FRMD4B: variants seen among roughly 807,000 people sequenced by gnomAD.
FRMD4B encodes FERM domain containing 4B, also known as FERM domain-containing protein 4B.
A neutral mutation model predicts 141.5 loss-of-function variants in FRMD4B; 74 were observed. The ratio of observed to expected loss-of-function variants is 0.52; its 90% CI spans 0.43 to 0.63. FRMD4B has a LOEUF of 0.63. Ranked by LOEUF, FRMD4B falls within the 30% of genes least tolerant of loss-of-function variation. FRMD4B has a pLI of 0.00. For synonymous variants in FRMD4B, 506 were observed against 467.9 expected, an observed-to-expected ratio of 1.08 and a Z score of -1.05; for missense variants, 1,366 against 1,253.4, an observed-to-expected ratio of 1.09 and a Z score of -1.36.
intron 7 of FRMD4B, among the ~76,000 whole-genome samples, chr3:69,227,343 T>A (rs2093264207): frequency 6.6e-6 from 1 of 152,056 alleles, no homozygotes; most frequent in Non-Finnish European, 1.5e-5. Flanking sequence ...TAGGATCATT[T>A]TAAGGAGAGT....
At chr3:69,536,503 C>T in intron 1 of FRMD4B, 1 of 698,260 alleles carries the variant, frequency 1.4e-6, no homozygotes, top group Non-Finnish European at 2.6e-6. Flanking sequence ...GCGCTACTCC[C>T]CAGCCTGCAG....
rs186223985 is a variant in FRMD4B at position 69,351,045 on chromosome 3, C to G, written c.162+34783G>C. ...TACAAGACAACAGAAGTGTGCATACCTTTACAGCCTGATCTACAAAAGCTT... is the reference window on the plus strand; with the variant it reads ...TACAAGACAACAGAAGTGTGCATACGTTTACAGCCTGATCTACAAAAGCTT... On this transcript the variant is annotated intron_variant, in intron 1 of 22. Transcript: ENST00000398540. 1.9e-3 allele frequency among the ~76,000 whole-genome samples: 290 copies of G among 151,900 alleles called. 1 individual carries two copies. The highest frequency in any genetic ancestry group is 3.5e-3 in the Non-Finnish European group (239 of 67,926).
At chr3:69,224,467 G>T in intron 8 of FRMD4B, 140 bp downstream of exon 8, 1 of 673,400 alleles carries the variant, frequency 1.5e-6, no homozygotes, top group South Asian at 1.7e-5. Flanking sequence ...AAAGGATCAA[G>T]GTCTACCTAT....
chr3:69,536,911 T>C (rs1181117629), intron 1 of FRMD4B, among the ~76,000 whole-genome samples: 2 of 152,034 alleles, frequency 1.3e-5, no homozygotes, highest in Non-Finnish European at 2.9e-5. Context: ...CACACCCAGG[T>C]AATTTTAAAA....
chr3:69,354,177 A>C (rs1046134715), intron 1 of FRMD4B, among the ~76,000 whole-genome samples: 17 of 152,244 alleles, frequency 1.1e-4, no homozygotes, highest in African/African-American at 4.1e-4. Flanking sequence ...CACAACAGAA[A>C]ATCTTGGCAG....
At chr3:69,490,332 GTC>G (rs1481710248) in intron 1 of FRMD4B, among the ~76,000 whole-genome samples, 1 of 152,202 alleles carries the variant, frequency 6.6e-6, no homozygotes, top group Non-Finnish European at 1.5e-5. Context: ...AATCTTGTTA[GTC>G]TCTTTTCTTT....
chr3:69,202,839 T>C (rs1377656460), intron 11 of FRMD4B, among the ~76,000 whole-genome samples: 3 of 151,002 alleles, frequency 2.0e-5, no homozygotes, highest in African/African-American at 7.3e-5. Context: ...TACTTTGCAA[T>C]TGCAAAAGTA....
At chr3:69,182,100 G>A (rs1050153685) in intron 20 of FRMD4B, among the ~76,000 whole-genome samples, 1 of 152,218 alleles carries the variant, frequency 6.6e-6, no homozygotes, top group Non-Finnish European at 1.5e-5. Context: ...GTACATTCGA[G>A]TGGAGGTCAG....
chr3:69,335,203 C>T (rs1029899603), intron 1 of FRMD4B, among the ~76,000 whole-genome samples: 10 of 152,038 alleles, frequency 6.6e-5, no homozygotes, highest in African/African-American at 2.2e-4. Flanking sequence ...AGCTAGGAAA[C>T]GGCTATTTGA....
intron 1 of FRMD4B, among the ~76,000 whole-genome samples, chr3:69,479,506 C>A (rs1188106122): frequency 6.6e-5 from 10 of 152,110 alleles, no homozygotes. Flanking sequence ...GTTGAAAATT[C>A]TTTTCTTTAA....
At chr3:69,526,055 T>G (rs927419212) in intron 1 of FRMD4B, among the ~76,000 whole-genome samples, 2 of 152,184 alleles carry the variant, frequency 1.3e-5, no homozygotes, top group Admixed American at 6.5e-5. Flanking sequence ...TGCTTCCAAC[T>G]GCCAGCACCT....
intron 19 of FRMD4B, among the ~76,000 whole-genome samples, chr3:69,187,518 C>A (rs1473036387): frequency 2.8e-5 from 4 of 144,874 alleles, no homozygotes; most frequent in Non-Finnish European, 4.5e-5. Context: ...CCAGCCTGGG[C>A]AACAAGAGTG....
chr3:69,343,568 C>T (rs950850612), intron 1 of FRMD4B, among the ~76,000 whole-genome samples: 2 of 112,516 alleles, frequency 1.8e-5, no homozygotes, highest in Non-Finnish European at 3.6e-5. Flanking sequence ...TTTGTCTTAA[C>T]AGTTTTTTGT....
At chr3:69,204,435 G>A (rs1014287323) in intron 11 of FRMD4B, among the ~76,000 whole-genome samples, 1 of 152,120 alleles carries the variant, frequency 6.6e-6, no homozygotes, top group Non-Finnish European at 1.5e-5. Flanking sequence ...GCCTGGAAAT[G>A]ACTAAATTTG....
chr3:69,495,795 A>C (rs779592365), intron 1 of FRMD4B, among the ~76,000 whole-genome samples: 22 of 152,200 alleles, frequency 1.4e-4, no homozygotes, highest in Non-Finnish European at 2.9e-4. Flanking sequence ...TCAACTATGA[A>C]ATGGACATAC....
At chr3:69,277,314 C>T (rs2093622339) in intron 5 of FRMD4B, among the ~76,000 whole-genome samples, 1 of 151,966 alleles carries the variant, frequency 6.6e-6, no homozygotes, top group Non-Finnish European at 1.5e-5. Context: ...AGGGGAGGTC[C>T]TAACTGATTT....
At chr3:69,336,016 C>T (rs888235843) in intron 1 of FRMD4B, among the ~76,000 whole-genome samples, 1 of 152,160 alleles carries the variant, frequency 6.6e-6, no homozygotes, top group Non-Finnish European at 1.5e-5. Context: ...AACCACCACA[C>T]CTGGCTAAGA....
chr3:69,444,670 A>G (rs1705385860), intron 1 of FRMD4B, among the ~76,000 whole-genome samples: 1 of 152,236 alleles, frequency 6.6e-6, no homozygotes. Context: ...AAACATTTTA[A>G]AAGATAACAT....
intron 1 of FRMD4B, among the ~76,000 whole-genome samples, chr3:69,467,354 G>T (rs139270719): frequency 5.3e-5 from 8 of 152,304 alleles, no homozygotes; most frequent in African/African-American, 1.9e-4. Context: ...AAATCCATCT[G>T]CCTCTTAAAA....
Sources: allele counts gnomAD v4.1 joint callset (sites outside exome capture counted in the v4.1 genomes callset), GRCh38; gene constraint gnomAD v4.1.1; transcripts MANE v1.5; gene names NCBI Gene and HGNC (gene_info 2026-07-23, HGNC 2026-07-21).